DYNC1I1: variants seen among roughly 807,000 people sequenced by gnomAD.
The protein encoded by DYNC1I1 is dynein cytoplasmic 1 intermediate chain 1.
DYNC1I1 carries 43 observed loss-of-function variants against 86.6 expected under a neutral mutation model. That is an observed-to-expected ratio of 0.50 (90% CI 0.39 to 0.64). The LOEUF (loss-of-function observed/expected upper bound fraction) is 0.64. Ranked by LOEUF, DYNC1I1 falls within the 30% of genes least tolerant of loss-of-function variation. The pLI, the probability that DYNC1I1 is intolerant of heterozygous loss-of-function variation, is 0.00. For synonymous variants in DYNC1I1, 262 were observed against 283.7 expected (o/e 0.92, Z 0.77); for missense variants, 604 against 788.8 (o/e 0.77, Z 2.81).
downstream of DYNC1I1, among the ~76,000 whole-genome samples, chr7:96,100,356 TTTCCTTCCTTCC>T (rs372153684): frequency 0.036 from 5,387 of 150,800 alleles, 313 homozygotes; most frequent in African/African-American, 0.12. Context: ...CCTTCCTTCC[TTTCCTTCCTTCC>T]TTCCTTCCTT....
chr7:95,970,261 C>G (rs1793131596), intron 6 of DYNC1I1, among the ~76,000 whole-genome samples: 1 of 152,186 alleles, frequency 6.6e-6, no homozygotes, highest in Non-Finnish European at 1.5e-5. Flanking sequence ...TCAACTGCTG[C>G]TTGGACTATG....
intron 1 of DYNC1I1, among the ~76,000 whole-genome samples, chr7:95,780,158 C>G (rs191286216): frequency 6.6e-6 from 1 of 151,898 alleles, no homozygotes; most frequent in Admixed American, 6.6e-5. Context: ...CAAAGTGAAG[C>G]GAAGTAATGA....
chr7:95,804,770 A>G lies in DYNC1I1; in HGVS notation c.41A>G (p.Lys14Arg), dbSNP rs1180374856. Residue 14 changes from lysine to arginine, a missense_variant, in exon 2 of 17, where the codon AAA (lysine) becomes AGA (arginine). By Grantham distance (26) the Lys-to-Arg change is conservative. Transcript: ENST00000447467. The part of the protein sequence containing the change: ...KSDLKAELER[K>R]KQRLAQIREE... ...GACTTAAAAGCTGAGCTAGAGCGCA[A>G]AAAGCAGCGCTTAGCACAGATAAGA... is the stretch of plus-strand genomic sequence containing the variant. 6.2e-7 allele frequency: 1 copy of G among 1,601,312 alleles called. No homozygotes were observed. Among genetic ancestry groups the G allele is most frequent in the Admixed American group, 1.7e-5 (1 of 59,042 alleles).
Position 95,984,978 on chromosome 7 carries a change from G to A in DYNC1I1, c.743+1G>A, listed in dbSNP as rs757616398. 6.2e-7 allele frequency: 1 copy of A among 1,612,420 alleles called. No individual in the cohort carries two copies. Among genetic ancestry groups the A allele is most frequent in the Non-Finnish European group, 8.5e-7 (1 of 1,179,392 alleles). Reference sequence around the variant, plus strand: ...GCCGAGAGTTAGAGGAAAAAGATGGGTTAGTCTCTTGTGTGCATTCTTTAA... The same window carrying A: ...GCCGAGAGTTAGAGGAAAAAGATGGATTAGTCTCTTGTGTGCATTCTTTAA... On this transcript the variant is annotated splice_donor_variant, in intron 8 of 16. Coordinates refer to ENST00000447467, the MANE Select transcript of DYNC1I1 (RefSeq NM_001135556.2). LOFTEE classifies it high-confidence loss of function.
chr7:95,800,217 T>C (rs1390418002), intron 1 of DYNC1I1, among the ~76,000 whole-genome samples: 1 of 151,510 alleles, frequency 6.6e-6, no homozygotes, highest in Non-Finnish European at 1.5e-5. Flanking sequence ...GAGCTGAAAT[T>C]TGAAAAAATG....
intron 1 of DYNC1I1, among the ~76,000 whole-genome samples, chr7:95,775,993 C>T (rs193005902): frequency 6.6e-6 from 1 of 152,260 alleles, no homozygotes; most frequent in East Asian, 1.9e-4. Context: ...CACCTGTAAT[C>T]TCAGCACTTT....
chr7:96,072,492 A>G (rs1012632560), intron 14 of DYNC1I1, among the ~76,000 whole-genome samples: 1 of 152,226 alleles, frequency 6.6e-6, no homozygotes, highest in Non-Finnish European at 1.5e-5. Context: ...GCTGTGGAAC[A>G]ATATTTCATT....
At chr7:95,813,697 G>A (rs954759591) in intron 4 of DYNC1I1, among the ~76,000 whole-genome samples, 3 of 151,944 alleles carry the variant, frequency 2.0e-5, no homozygotes, top group Admixed American at 6.6e-5. Context: ...CTTTGGTTTT[G>A]GTTTCCATGA....
At chr7:95,990,304 G>T (rs1793699683) in intron 9 of DYNC1I1, among the ~76,000 whole-genome samples, 1 of 152,064 alleles carries the variant, frequency 6.6e-6, no homozygotes, top group Non-Finnish European at 1.5e-5. Context: ...CTCCCACCAT[G>T]TATACTCACT....
At chr7:95,973,960 A>G (rs554097909) in intron 6 of DYNC1I1, among the ~76,000 whole-genome samples, 128 of 152,308 alleles carry the variant, frequency 8.4e-4, no homozygotes, top group African/African-American at 2.8e-3. Flanking sequence ...ACCTTGATCC[A>G]TTACTCCCCT....
chr7:95,799,327 C>T (rs535398462), intron 1 of DYNC1I1, among the ~76,000 whole-genome samples: 12 of 152,164 alleles, frequency 7.9e-5, no homozygotes, highest in African/African-American at 1.7e-4. Flanking sequence ...TGCAGTGAGC[C>T]GAGATCGGGC....
At chr7:95,965,940 G>A (rs1793000822) in intron 6 of DYNC1I1, among the ~76,000 whole-genome samples, 1 of 152,106 alleles carries the variant, frequency 6.6e-6, no homozygotes, top group South Asian at 2.1e-4. Flanking sequence ...CCATCTCTTA[G>A]CCCTGCTTTA....
At chr7:96,007,302 A>G (rs980193186) in intron 10 of DYNC1I1, among the ~76,000 whole-genome samples, 2 of 152,194 alleles carry the variant, frequency 1.3e-5, no homozygotes, top group African/African-American at 2.4e-5. Context: ...ACAAATTCTT[A>G]AACAATGTCT....
At chr7:95,803,694 A>T (rs1432614251) in intron 1 of DYNC1I1, among the ~76,000 whole-genome samples, 1 of 152,184 alleles carries the variant, frequency 6.6e-6, no homozygotes, top group Admixed American at 6.5e-5. Flanking sequence ...TATTTATCCT[A>T]GTTGCATACA....
chr7:95,924,607 C>T lies in DYNC1I1; in HGVS notation c.491-52905C>T, dbSNP rs73710551. On this transcript the variant is annotated intron_variant, in intron 6 of 16. Coordinates refer to ENST00000447467, the MANE Select transcript of DYNC1I1 (RefSeq NM_001135556.2). Reference sequence around the variant, plus strand: ...CATTTTTCTGCTTCTGATGAGAATGCGAAATGTGGAAACACATTAGGTCAC... The same window carrying T: ...CATTTTTCTGCTTCTGATGAGAATGTGAAATGTGGAAACACATTAGGTCAC... Among the ~76,000 whole-genome samples, 1,142 of 152,232 alleles carry T rather than the reference C, an allele frequency of 7.5e-3. 13 individuals are homozygous for T. Among genetic ancestry groups the T allele is most frequent in the African/African-American group, 0.026 (1,060 of 41,552 alleles).
intron 14 of DYNC1I1, among the ~76,000 whole-genome samples, chr7:96,061,694 C>T (rs1342257293): frequency 5.0e-5 from 7 of 138,766 alleles, no homozygotes; most frequent in East Asian, 4.3e-4. Flanking sequence ...TCCCTCCCTC[C>T]CTCTCTCTCT....
chr7:96,074,801 T>C (rs1170496874), intron 14 of DYNC1I1, among the ~76,000 whole-genome samples: 1 of 152,234 alleles, frequency 6.6e-6, no homozygotes, highest in African/African-American at 2.4e-5. Context: ...TCCCTACAGA[T>C]ACATTCTTTA....
chr7:95,977,752 A>G (rs1299303673), intron 7 of DYNC1I1, 151 bp downstream of exon 7: 6 of 599,810 alleles, frequency 1.0e-5, no homozygotes, highest in Non-Finnish European at 1.6e-5. Context: ...TACATTTAGC[A>G]ACATAAACTG....
intron 6 of DYNC1I1, among the ~76,000 whole-genome samples, chr7:95,920,642 A>T (rs1435686507): frequency 1.3e-5 from 2 of 152,190 alleles, no homozygotes; most frequent in Non-Finnish European, 2.9e-5. Context: ...AAGTTCATTT[A>T]AAAAAATAAT....
Sources: allele counts gnomAD v4.1 joint callset (sites outside exome capture counted in the v4.1 genomes callset), GRCh38; gene constraint gnomAD v4.1.1; transcripts MANE v1.5; gene names NCBI Gene and HGNC (gene_info 2026-07-23, HGNC 2026-07-21).